The following COTL1 variants were observed in gnomAD, a reference collection of about 807,000 sequenced individuals.
COTL1 encodes the protein coactosin like F-actin binding protein 1.
COTL1 carries 15 observed loss-of-function variants against 16.5 expected under a neutral mutation model. The observed-to-expected ratio is 0.91, with a 90% CI of 0.61 to 1.40. The LOEUF (loss-of-function observed/expected upper bound fraction) is 1.40. Ranked by LOEUF, COTL1 falls within the 40% of genes most tolerant of loss-of-function variation. The pLI, the probability that COTL1 is intolerant of heterozygous loss-of-function variation, is 0.00. For synonymous variants in COTL1, 112 were observed against 85.3 expected (o/e 1.31, Z -1.73); for missense variants, 220 against 201.5 (o/e 1.09, Z -0.56).
At chr16:84,612,613 T>G (rs1905357625) in intron 2 of COTL1, among the ~76,000 whole-genome samples, 1 of 152,052 alleles carries the variant, frequency 6.6e-6, no homozygotes, top group Non-Finnish European at 1.5e-5. Context: ...TGAAACCCCG[T>G]CTCTACTAAA....
intron 2 of COTL1, chr16:84,595,052 C>G (rs1264674087): frequency 6.6e-6 from 1 of 152,204 alleles, no homozygotes; most frequent in Non-Finnish European, 1.5e-5. Flanking sequence ...GTCACAGATT[C>G]TTGTTGAAGA....
chr16:84,597,369 G>C (rs1360457527), intron 2 of COTL1, among the ~76,000 whole-genome samples: 1 of 152,196 alleles, frequency 6.6e-6, no homozygotes, highest in Non-Finnish European at 1.5e-5. Flanking sequence ...CTGAGGCTTG[G>C]AGAGGTGAAG....
At chr16:84,603,677 C>T (rs578140645) in intron 2 of COTL1, among the ~76,000 whole-genome samples, 11 of 152,124 alleles carry the variant, frequency 7.2e-5, no homozygotes, top group African/African-American at 1.4e-4. Flanking sequence ...GTGGGGGAGC[C>T]GGGAGTTCAG....
Position 84,590,252 on chromosome 16 carries a change from C to T in COTL1, c.171G>A (p.Arg57=). 6.2e-7 allele frequency: 1 copy of T among 1,613,998 alleles called. No individual in the cohort carries two copies. The highest frequency in any genetic ancestry group is 1.1e-5 in the South Asian group (1 of 91,074). ...TGGTGAAGCGCACGAAGGCAAACAA[C>T]CGGACGTCATCTGTGGCCAAAAGCG... ...HFIQQCTDDV[R]LFAFVRFTTG... is the part of the protein sequence containing the mutation. Residue 57 remains arginine, a synonymous_variant, in exon 3 of 4, where the codon CGG becomes CGA. Transcript: ENST00000262428. This position sits in a 1 kb window ranked among gnomAD's most constrained non-coding sequence, Gnocchi z 5.5.
chr16:84,614,476 C>T (rs990263480), intron 2 of COTL1, among the ~76,000 whole-genome samples: 7 of 151,238 alleles, frequency 4.6e-5, no homozygotes, highest in Middle Eastern at 3.4e-3. Flanking sequence ...GGAGAGATCC[C>T]ATTCTGGAAA....
chr16:84,600,062 C>T (rs1024659532), intron 2 of COTL1, among the ~76,000 whole-genome samples: 1 of 152,110 alleles, frequency 6.6e-6, no homozygotes, highest in East Asian at 1.9e-4. Context: ...GGGCCAGGTT[C>T]GTTGCTGAAG....
At chr16:84,571,253 C>G (rs1360508445) in intron 3 of COTL1, among the ~76,000 whole-genome samples, 8 of 152,078 alleles carry the variant, frequency 5.3e-5, no homozygotes, top group Non-Finnish European at 1.2e-4. Flanking sequence ...CAGCCTGGGA[C>G]TCGATGCAGC....
At chr16:84,583,823 C>A (rs536486843) in intron 3 of COTL1, among the ~76,000 whole-genome samples, 1 of 152,136 alleles carries the variant, frequency 6.6e-6, no homozygotes, top group Non-Finnish European at 1.5e-5. Flanking sequence ...ATCCCTGGCA[C>A]GTCCATCCTT....
At chr16:84,611,677 T>A (rs1444560133) in intron 2 of COTL1, among the ~76,000 whole-genome samples, 3 of 152,204 alleles carry the variant, frequency 2.0e-5, no homozygotes, top group African/African-American at 4.8e-5. Flanking sequence ...AATGAAGGAA[T>A]AAACACAGGA....
chr16:84,603,499 C>T (rs1037877824), intron 2 of COTL1, among the ~76,000 whole-genome samples: 2 of 152,092 alleles, frequency 1.3e-5, no homozygotes, highest in South Asian at 2.1e-4. Context: ...GTCTCCTCAT[C>T]GGTGACACAG....
chr16:84,589,807 C>T (rs923877796), intron 3 of COTL1, among the ~76,000 whole-genome samples: 5 of 152,052 alleles, frequency 3.3e-5, no homozygotes, highest in Non-Finnish European at 7.4e-5. Context: ...GGTCCCCCCA[C>T]CAGTTCCCGT....
intron 2 of COTL1, among the ~76,000 whole-genome samples, chr16:84,609,012 C>T (rs1489413757): frequency 6.6e-6 from 1 of 152,204 alleles, no homozygotes; most frequent in African/African-American, 2.4e-5. Flanking sequence ...CACTTTATAA[C>T]TGCCCAAAGC....
At chr16:84,584,776 A>T (rs1031586695) in intron 3 of COTL1, among the ~76,000 whole-genome samples, 5 of 152,202 alleles carry the variant, frequency 3.3e-5, no homozygotes, top group Non-Finnish European at 7.3e-5. Context: ...CATTGTTCTA[A>T]GCACTTTCCC....
At chr16:84,578,704 C>G (rs567860993) in intron 3 of COTL1, among the ~76,000 whole-genome samples, 1 of 151,618 alleles carries the variant, frequency 6.6e-6, no homozygotes, top group East Asian at 1.9e-4. Flanking sequence ...TGTACCCACA[C>G]AGGTGCACAC....
At chr16:84,568,095 T>A (rs995601244) in intron 3 of COTL1, 1 of 152,348 alleles carries the variant, frequency 6.6e-6, no homozygotes, top group South Asian at 2.1e-4. Context: ...CCCCCAGGGT[T>A]CAAGCCATTC....
At chr16:84,571,928 G>A (rs150354561) in intron 3 of COTL1, among the ~76,000 whole-genome samples, 64 of 152,326 alleles carry the variant, frequency 4.2e-4, no homozygotes, top group African/African-American at 1.4e-3. Context: ...CATCCTACAC[G>A]GGGTGCTCCC....
At chr16:84,585,346 T>A (rs1042920858) in intron 3 of COTL1, among the ~76,000 whole-genome samples, 1 of 130,810 alleles carries the variant, frequency 7.6e-6, no homozygotes, top group Non-Finnish European at 1.6e-5. Flanking sequence ...CAGAGTGAGA[T>A]TGTCTCCAAA....
At chr16:84,583,706 T>C (rs1034059873) in intron 3 of COTL1, among the ~76,000 whole-genome samples, 1 of 152,128 alleles carries the variant, frequency 6.6e-6, no homozygotes, top group African/African-American at 2.4e-5. Flanking sequence ...GCAATCCTCC[T>C]GCCTTGGTCT....
intron 2 of COTL1, chr16:84,594,903 G>C (rs925060153): frequency 1.3e-5 from 2 of 152,706 alleles, no homozygotes; most frequent in Admixed American, 1.3e-4. Flanking sequence ...GGCTTTTCCA[G>C]CGTCTGCCCT....
Sources: gnomAD v4.1 joint callset for allele counts (sites outside exome capture counted in the v4.1 genomes callset) on GRCh38, gnomAD v4.1.1 for gene constraint, Gnocchi (gnomAD v3.1) non-coding constraint, MANE v1.5 for transcripts, NCBI Gene and HGNC (gene_info 2026-07-23, HGNC 2026-07-21) for gene names.